The following ANK2 variants were observed in gnomAD, a reference collection of about 807,000 sequenced individuals.
The protein encoded by ANK2 is ankyrin 2.
A neutral mutation model predicts 360.5 loss-of-function variants in ANK2; 83 were observed. The ratio of observed to expected loss-of-function variants is 0.23; its 90% confidence interval spans 0.19 to 0.28. The LOEUF (loss-of-function observed/expected upper bound fraction) is 0.28. ANK2 is among the 10% of genes least tolerant of loss of function. The probability of loss-of-function intolerance (pLI) is 1.00; values close to 1 mark genes in which losing one functional copy is unlikely to be tolerated. For synonymous variants in ANK2, 1,740 were observed against 1,759.5 expected (o/e 0.99, Z 0.28); for missense variants, 4,201 against 4,795.7 (o/e 0.88, Z 3.66).
chr4:113,186,557 C>T (rs1385659730), intron 2 of ANK2, among the ~76,000 whole-genome samples: 2 of 95,904 alleles, frequency 2.1e-5, no homozygotes, highest in African/African-American at 5.7e-5. Context: ...GATATCTTCC[C>T]GTGTCTCTCT....
intron 20 of ANK2, among the ~76,000 whole-genome samples, chr4:113,290,070 A>G (rs1323939450): frequency 6.6e-6 from 1 of 152,092 alleles, no homozygotes; most frequent in Non-Finnish European, 1.5e-5. Context: ...GGCAAACACT[A>G]TATTGTCTAG....
At chr4:113,152,742 A>T (rs1240887962) in intron 1 of ANK2, among the ~76,000 whole-genome samples, 3 of 152,092 alleles carry the variant, frequency 2.0e-5, no homozygotes, top group African/African-American at 7.2e-5. Flanking sequence ...TTCTGTCTCT[A>T]TATTAATTTT....
intron 2 of ANK2, among the ~76,000 whole-genome samples, chr4:113,020,392 C>T (rs1366596687): frequency 6.6e-6 from 1 of 152,026 alleles, no homozygotes; most frequent in Non-Finnish European, 1.5e-5. Flanking sequence ...GACAGGGTCT[C>T]GCTGTGTTGT....
In ANK2 at chr4:113,353,467, G is replaced by A; in HGVS notation, c.4849G>A (p.Val1617Ile). The A allele has an allele frequency of 6.2e-7, 1 of 1,614,062 alleles. No individual in the cohort carries two copies. Among genetic ancestry groups the A allele is most frequent in the Non-Finnish European group, 8.5e-7 (1 of 1,179,968 alleles). ...APLEITEYPC[V>I]EVRIDKEIKG... Reference sequence around the variant, plus strand: ...TTTAGAAATCACTGAATATCCATGTGTAGAAGTTAGAATAGATAAAGAGAT... The same window carrying A: ...TTTAGAAATCACTGAATATCCATGTATAGAAGTTAGAATAGATAAAGAGAT... The change falls in exon 38 of 46, where the codon GTA becomes ATA. Residue 1617 changes from valine (V) to isoleucine (I), a missense_variant. Physicochemically the swap from Val to Ile is conservative, Grantham distance 29. Coordinates refer to ENST00000357077, the MANE Select transcript of ANK2 (RefSeq NM_001148.6).
chr4:112,734,213 T>G, the ANK2 span, among the ~76,000 whole-genome samples: 1 of 152,202 alleles, frequency 6.6e-6, no homozygotes, highest in Non-Finnish European at 1.5e-5. Context: ...ATGAAAAGTG[T>G]GAATTCAATT....
intron 2 of ANK2, among the ~76,000 whole-genome samples, chr4:112,966,043 C>T (rs1467661230): frequency 1.3e-5 from 2 of 151,658 alleles, no homozygotes; most frequent in Non-Finnish European, 2.9e-5. Context: ...TTAAATAAGG[C>T]TATATTTTCA....
At chr4:113,372,634 T>A in intron 43 of ANK2, 1 of 1,524,264 alleles carries the variant, frequency 6.6e-7, no homozygotes, top group South Asian at 1.2e-5. Flanking sequence ...AGGTACCCAC[T>A]GTTAAATTAC....
At chr4:112,995,845 T>G (rs539182518) in intron 2 of ANK2, among the ~76,000 whole-genome samples, 2 of 152,238 alleles carry the variant, frequency 1.3e-5, no homozygotes, top group Non-Finnish European at 2.9e-5. Flanking sequence ...TTTTATGGAA[T>G]GTTGATGAGT....
chr4:113,001,331 CAAA>C (rs11310852), intron 2 of ANK2, among the ~76,000 whole-genome samples: 16 of 84,194 alleles, frequency 1.9e-4, no homozygotes, highest in African/African-American at 2.7e-4. Flanking sequence ...AACTCTGTCT[CAAA>C]AAAAAAAAAA....
At chr4:112,848,628 T>G (rs2063896133) in intron 1 of ANK2, among the ~76,000 whole-genome samples, 1 of 152,230 alleles carries the variant, frequency 6.6e-6, no homozygotes, top group South Asian at 2.1e-4. Context: ...TATAGCATTT[T>G]ATAATGCTTC....
At chr4:112,956,962 C>T (rs542272971) in intron 2 of ANK2, among the ~76,000 whole-genome samples, 17 of 139,314 alleles carry the variant, frequency 1.2e-4, no homozygotes, top group Admixed American at 1.0e-3. Context: ...TTGACGTTGT[C>T]TCTTAAATTA....
intron 26 of ANK2, among the ~76,000 whole-genome samples, chr4:113,325,711 A>T (rs1316556958): frequency 6.6e-6 from 1 of 152,184 alleles, no homozygotes; most frequent in East Asian, 1.9e-4. Flanking sequence ...GGTATATTGT[A>T]TTGTGTTTAA....
chr4:113,208,158 G>A (rs768454572), intron 4 of ANK2, among the ~76,000 whole-genome samples: 3 of 151,834 alleles, frequency 2.0e-5, no homozygotes, highest in Non-Finnish European at 4.4e-5. Flanking sequence ...ACAAGCTCAG[G>A]ATTCTGTTTT....
chr4:113,164,077 A>G (rs1288716678), intron 1 of ANK2, among the ~76,000 whole-genome samples: 1 of 151,962 alleles, frequency 6.6e-6, no homozygotes, highest in Non-Finnish European at 1.5e-5. Flanking sequence ...TTTCTTTTAT[A>G]TCAACAATAA....
Position 113,358,251 on chromosome 4 carries a change from A to G in ANK2, c.9633A>G (p.Glu3211=), listed in dbSNP as rs1189316996. ...NSQMGISAST[E]TPTKEAVSVG... The stretch of plus-strand genomic sequence containing the variant: ...AAATGGGGATTTCAGCCTCCACTGA[A>G]ACACCTACAAAAGAAGCTGTTAGTG... The change falls in exon 38 of 46, where the codon GAA becomes GAG. Residue 3211 remains glutamate (E), a synonymous_variant. Coordinates refer to ENST00000357077, the MANE Select transcript of ANK2 (RefSeq NM_001148.6). The G allele has an allele frequency of 1.2e-6, 2 of 1,614,056 alleles. No individual in the cohort carries two copies. The highest frequency in any genetic ancestry group is 1.7e-6 in the Non-Finnish European group (2 of 1,179,946).
At chr4:113,029,704 A>G (rs186609599) in intron 2 of ANK2, among the ~76,000 whole-genome samples, 2 of 152,096 alleles carry the variant, frequency 1.3e-5, no homozygotes, top group Admixed American at 6.6e-5. Flanking sequence ...AGCCCGACCT[A>G]TTCGTCTCTT....
the ANK2 span, among the ~76,000 whole-genome samples, chr4:112,790,523 T>C: frequency 6.7e-6 from 1 of 148,744 alleles, no homozygotes; most frequent in Admixed American, 6.9e-5. Context: ...AGTTTTGCTC[T>C]GTCGCCCAGG....
chr4:113,267,795 C>A (rs369510022), intron 14 of ANK2, among the ~76,000 whole-genome samples: 1 of 152,034 alleles, frequency 6.6e-6, no homozygotes, highest in African/African-American at 2.4e-5. Flanking sequence ...AGAAAATCAA[C>A]GGTAGCTTGA....
At position 113,381,463 on chromosome 4, in the gene ANK2, A is replaced by G. The variant is rs748565602; in HGVS notation, c.11866A>G (p.Asn3956Asp). Residue 3956 changes from asparagine (N) to aspartate (D), a missense_variant, in exon 46 of 46, where the codon AAT becomes GAT. By Grantham distance (23) the Asn-to-Asp change is conservative. This residue lies in a region of ANK2 where 2,642 missense variants were observed against 2,714.5 expected (regional missense o/e 0.97). Coordinates refer to ENST00000357077, the MANE Select transcript of ANK2 (RefSeq NM_001148.6). ...CTTGTCTGCTTTTCTCCAGGACAACAATGAGTAAAGCCATCACACAGAAGA... is the reference window on the plus strand; with the variant it reads ...CTTGTCTGCTTTTCTCCAGGACAACGATGAGTAAAGCCATCACACAGAAGA... ...KSDTEQSEDNNE is the reference protein window; with the variant it reads ...KSDTEQSEDNDE The G allele has an allele frequency of 1.2e-6, 2 of 1,614,068 alleles. No individual in the cohort carries two copies. Among genetic ancestry groups the G allele is most frequent in the Non-Finnish European group, 8.5e-7 (1 of 1,180,034 alleles).
Sources: gnomAD v4.1 joint callset for allele counts (sites outside exome capture counted in the v4.1 genomes callset) on GRCh38, gnomAD v4.1.1 for gene constraint, gnomAD v4.1.1 regional missense constraint, MANE v1.5 for transcripts, NCBI Gene and HGNC (gene_info 2026-07-23, HGNC 2026-07-21) for gene names.